The following C1orf232 variants were observed in gnomAD, a reference collection of about 807,000 sequenced individuals.
C1orf232 encodes chromosome 1 open reading frame 230.
A neutral mutation model predicts 12.1 loss-of-function variants in C1orf232; 10 were observed. That is an observed-to-expected ratio of 0.82 (90% confidence interval 0.51 to 1.40). The LOEUF (loss-of-function observed/expected upper bound fraction) is 1.40. Among genes scored for constraint, C1orf232 ranks in the 40% most tolerant of loss-of-function variants. The pLI is 0.00. For missense variants in C1orf232, 88 were observed against 98.4 expected (o/e 0.89, Z 0.45); for synonymous variants, 36 against 39.8 (o/e 0.90, Z 0.36).
chr1:26,165,638 G>C (rs2088417424), intron 3 of C1orf232, 188 bp downstream of exon 3: 1 of 1,066,956 alleles, frequency 9.4e-7, no homozygotes, highest in Non-Finnish European at 1.2e-6. Context: ...GATTCCTCCT[G>C]AGATTTACCC....
chr1:26,167,124 C>T (rs369085963), intron 1 of C1orf232, among the ~76,000 whole-genome samples: 71 of 152,354 alleles, frequency 4.7e-4, no homozygotes, highest in African/African-American at 1.4e-3. Flanking sequence ...CCCTCTGAAC[C>T]GATTCCTGCC....
chr1:26,168,462 A>T lies in C1orf232; in HGVS notation c.38T>A (p.Val13Glu). The change falls in exon 1 of 4, where the codon GTG (valine) becomes GAG (glutamate). Residue 13 changes from valine to glutamate, a missense_variant. Physicochemically the swap from Val to Glu is moderately radical, Grantham distance 121 (BLOSUM62 -2). Transcript: ENST00000634842. ...AGATTCCCCACTCAGGGTCTGTAGC[A>T]CTTTGGACTTGTAGGTTTTCCAGAA... is the stretch of plus-strand genomic sequence containing the variant. ...QAFWKTYKSKVLQTLSGESEE... is the reference protein window; with the variant it reads ...QAFWKTYKSKELQTLSGESEE... 8.1e-7 allele frequency: 1 copy of T among 1,231,884 alleles called. No individual in the cohort carries two copies. The allele number at this position is 1,231,884 out of a possible 1,614,324, so 76.3% of individuals were successfully genotyped here. A position where few individuals can be genotyped will look rare whatever the true frequency, so the allele number is the denominator to read the frequency against.
chr1:26,165,635 C>T (rs2088417386), intron 3 of C1orf232, 191 bp downstream of exon 3: 1 of 1,038,760 alleles, frequency 9.6e-7, no homozygotes, highest in East Asian at 3.3e-5. Context: ...GTCGATTCCT[C>T]CTGAGATTTA....
intron 1 of C1orf232, among the ~76,000 whole-genome samples, chr1:26,167,410 G>A (rs1291653397): frequency 2.0e-5 from 3 of 151,982 alleles, no homozygotes. Context: ...GGCTGGTCTC[G>A]AAATCCTGGG....
intron 1 of C1orf232, among the ~76,000 whole-genome samples, chr1:26,167,028 C>T (rs76360763): frequency 0.024 from 3,689 of 152,380 alleles, 61 homozygotes; most frequent in Non-Finnish European, 0.041. Context: ...ATACTGATCA[C>T]ACCAGTTACC....
intron 1 of C1orf232, among the ~76,000 whole-genome samples, chr1:26,167,778 T>C (rs1031575277): frequency 6.6e-6 from 1 of 152,056 alleles, no homozygotes; most frequent in Admixed American, 6.6e-5. Context: ...CACGCCGCCA[T>C]GCCTGGCTAC....
chr1:26,165,479 A>C lies in C1orf232; in HGVS notation c.266+347T>G, dbSNP rs1210916381. 5.9e-5 allele frequency among the ~76,000 whole-genome samples: 9 copies of C among 152,146 alleles called. No homozygotes were observed. The South Asian group carries it at 8.3e-4, about 14-fold the overall frequency. ...TTCCTTGGAGGGTGAGGGTTTAGGCAATATTTGAGAACCTTTGAGTTGGAT... is the reference window on the plus strand; with the variant it reads ...TTCCTTGGAGGGTGAGGGTTTAGGCCATATTTGAGAACCTTTGAGTTGGAT... On this transcript the variant is annotated intron_variant, in intron 3 of 3. Coordinates refer to ENST00000634842, the MANE Select transcript of C1orf232 (RefSeq NM_001364669.2).
chr1:26,165,165 G>A (rs1429524883), intron 3 of C1orf232, among the ~76,000 whole-genome samples: 2 of 151,904 alleles, frequency 1.3e-5, no homozygotes, highest in Non-Finnish European at 2.9e-5. Flanking sequence ...ATGGGTCATG[G>A]GGACCCTAGG....
intron 3 of C1orf232, 168 bp downstream of exon 3, chr1:26,165,658 A>G: frequency 8.7e-7 from 1 of 1,147,724 alleles, no homozygotes; most frequent in Non-Finnish European, 1.1e-6. Flanking sequence ...CTAATCTCCC[A>G]GATATGCTGA....
At position 26,164,265 on chromosome 1, in the gene C1orf232, G is replaced by A. The variant is rs578021009; in HGVS notation, c.457C>T (p.Arg153Cys). The A allele has an allele frequency of 2.5e-6, 1 of 398,410 alleles. No homozygotes were observed. Among genetic ancestry groups the A allele is most frequent in the Non-Finnish European group, 4.4e-6 (1 of 225,904 alleles). The allele number at this position is 398,410 out of a possible 1,614,324, so 24.7% of individuals were successfully genotyped here. ...ADEAAEEAAERPESQEAEPVA... is the reference protein window; with the variant it reads ...ADEAAEEAAECPESQEAEPVA... Reference sequence around the variant, plus strand: ...GGCTCGGCCTCCTGCGACTCGGGGCGCTCTGCGGCCTCCTCCGCGGCCTCG... The same window carrying A: ...GGCTCGGCCTCCTGCGACTCGGGGCACTCTGCGGCCTCCTCCGCGGCCTCG... The change falls in exon 4 of 4, where the codon CGC becomes TGC. Residue 153 changes from arginine (R) to cysteine (C), a missense_variant. Arg to Cys is a radical substitution (Grantham distance 180). Transcript: ENST00000634842. The surrounding 1 kb of genome is among the most constrained non-coding windows in gnomAD (Gnocchi z 4.2).
intron 1 of C1orf232, among the ~76,000 whole-genome samples, chr1:26,166,612 G>T (rs575433124): frequency 6.6e-6 from 1 of 151,998 alleles, no homozygotes; most frequent in South Asian, 2.1e-4. Context: ...CCGCCAGTCC[G>T]AGCTGCAGAC....
At chr1:26,167,875 C>T (rs2783623) in intron 1 of C1orf232, among the ~76,000 whole-genome samples, 7,508 of 152,176 alleles carry the variant, frequency 0.049, 623 homozygotes, top group African/African-American at 0.17. Context: ...CCACCCACCT[C>T]GGCCTCCCAA....
intron 3 of C1orf232, among the ~76,000 whole-genome samples, chr1:26,165,291 C>A (rs927760680): frequency 6.6e-6 from 1 of 151,996 alleles, no homozygotes; most frequent in South Asian, 2.1e-4. Context: ...AGGTCCCACC[C>A]GCTAATCCTT....
Position 26,166,047 on chromosome 1 carries a change from C to G in C1orf232, c.156G>C (p.Gln52His). Residue 52 changes from glutamine to histidine, a missense_variant, in exon 2 of 4, where the codon CAG becomes CAC. Transcript: ENST00000634842. ...PTEETFNPMS[Q>H]LARRVQGVGV... ...GGAGAATACTCACCCGGCGGGCCAG[C>G]TGTGACATGGGATTGAAGGTCTCCT... The G allele has an allele frequency of 8.1e-7, 1 of 1,231,712 alleles. No individual in the cohort carries two copies. Among genetic ancestry groups the G allele is most frequent in the East Asian group, 3.2e-5 (1 of 31,696 alleles). The allele number at this position is 1,231,712 out of a possible 1,614,324, so 76.3% of individuals were successfully genotyped here.
rs1265707352 is a variant in C1orf232, at chr1:26,164,278, C to G, written c.444G>C (p.Glu148Asp). The change falls in exon 4 of 4, where the codon GAG becomes GAC. Residue 148 changes from glutamate to aspartate, a missense_variant. Transcript: ENST00000634842. The surrounding 1 kb of genome is among the most constrained non-coding windows in gnomAD (Gnocchi z 4.2). ...GCGACTCGGGGCGCTCTGCGGCCTC[C>G]TCCGCGGCCTCGTCCGCGGGTTCGG... ...PDPEPADEAA[E>D]EAAERPESQE... 10 of 398,218 alleles carry G rather than the reference C, an allele frequency of 2.5e-5. No homozygotes were observed. The highest frequency in any genetic ancestry group is 1.3e-4 in the Admixed American group (3 of 22,726). The allele number at this position is 398,218 out of a possible 1,614,324, so 24.7% of individuals were successfully genotyped here.
chr1:26,166,651 C>G (rs1352311725), intron 1 of C1orf232, among the ~76,000 whole-genome samples: 1 of 152,162 alleles, frequency 6.6e-6, no homozygotes, highest in African/African-American at 2.4e-5. Flanking sequence ...CTGCCCACCA[C>G]AGACACATCC....
At chr1:26,167,521 C>T (rs948448546) in intron 1 of C1orf232, among the ~76,000 whole-genome samples, 6 of 152,134 alleles carry the variant, frequency 3.9e-5, no homozygotes, top group African/African-American at 9.7e-5. Flanking sequence ...GGCAGGGTTT[C>T]GCCATGTTAG....
intron 3 of C1orf232, 198 bp downstream of exon 3, chr1:26,165,628 G>A (rs1050471843): frequency 5.1e-6 from 5 of 986,552 alleles, no homozygotes; most frequent in Non-Finnish European, 6.5e-6. Flanking sequence ...ACAGCTGGTC[G>A]ATTCCTCCTG....
rs2088452028 is a variant in C1orf232, at chr1:26,168,744, T to C, written c.-245A>G. Among the ~76,000 whole-genome samples the C allele has an allele frequency of 6.6e-6, 1 of 152,226 alleles. No homozygotes were observed. Among genetic ancestry groups the C allele is most frequent in the African/African-American group, 2.4e-5 (1 of 41,462 alleles). Reference sequence around the variant, plus strand: ...CCTTAGCCCCTTGTCTTGACCCATATTGGCCAAGAATAATGAAGTCATTTG... The same window carrying C: ...CCTTAGCCCCTTGTCTTGACCCATACTGGCCAAGAATAATGAAGTCATTTG... On this transcript the variant is annotated 5_prime_UTR_variant, in exon 1 of 4. Coordinates refer to ENST00000634842, the MANE Select transcript of C1orf232 (RefSeq NM_001364669.2).
Sources: allele counts gnomAD v4.1 joint callset (sites outside exome capture counted in the v4.1 genomes callset), GRCh38; gene constraint gnomAD v4.1.1; non-coding constraint Gnocchi (gnomAD v3.1); transcripts MANE v1.5; gene names NCBI Gene and HGNC (gene_info 2026-07-23, HGNC 2026-07-21).